NSFL1C: variants seen among roughly 807,000 people sequenced by gnomAD.
NSFL1C encodes the protein NSFL1 cofactor.
NSFL1C carries 14 observed loss-of-function variants against 43.1 expected under a neutral mutation model. The ratio of observed to expected loss-of-function variants is 0.32; its 90% CI spans 0.21 to 0.51. NSFL1C has a LOEUF of 0.51. Among genes scored for constraint, NSFL1C ranks in the 20% least tolerant of loss-of-function variants. The pLI, the probability that NSFL1C is intolerant of heterozygous loss-of-function variation, is 0.98. For synonymous variants in NSFL1C, 171 were observed against 183.5 expected, an observed-to-expected ratio of 0.93 and a Z score of 0.55; for missense variants, 406 against 472.5, an observed-to-expected ratio of 0.86 and a Z score of 1.30.
At chr20:1,463,088 G>T (rs2090447541) in intron 2 of NSFL1C, among the ~76,000 whole-genome samples, 1 of 152,138 alleles carries the variant, frequency 6.6e-6, no homozygotes, top group South Asian at 2.1e-4. Flanking sequence ...TGGCAGAGCT[G>T]GGATTTGAAC....
intron 7 of NSFL1C, chr20:1,446,088 G>A (rs1189575520): frequency 1.1e-5 from 6 of 549,322 alleles, no homozygotes; most frequent in Non-Finnish European, 2.0e-5. Context: ...AAGTTACTCG[G>A]CCTTTTTCCT....
chr20:1,452,204 T>C (rs1307312950), intron 7 of NSFL1C, among the ~76,000 whole-genome samples: 1 of 152,178 alleles, frequency 6.6e-6, no homozygotes, highest in Admixed American at 6.5e-5. Flanking sequence ...CACTTATTCC[T>C]TGCAACAATA....
At chr20:1,451,095 GA>G (rs958714357) in intron 7 of NSFL1C, among the ~76,000 whole-genome samples, 122 of 149,604 alleles carry the variant, frequency 8.2e-4, no homozygotes, top group East Asian at 2.9e-3. Flanking sequence ...AATAATCAAA[GA>G]AAAAAAAAAT....
intron 1 of NSFL1C, among the ~76,000 whole-genome samples, chr20:1,465,909 CAA>C (rs1028170169): frequency 3.3e-5 from 5 of 152,166 alleles, no homozygotes; most frequent in Admixed American, 6.6e-5. Context: ...GGTTAAATGA[CAA>C]AAGACATGTA....
In NSFL1C at chr20:1,466,137, C is replaced by T. The variant is rs144280190; in HGVS notation, c.105+583G>A. Among the ~76,000 whole-genome samples, 88 of 152,342 alleles carry T rather than the reference C, an allele frequency of 5.8e-4. 1 individual carries two copies. The East Asian group carries it at 0.016, about 28-fold the overall frequency. On this transcript the variant is annotated intron_variant, in intron 1 of 8. Transcript: ENST00000216879. ...CCTCGTGAAGCTTAAGTCTTCTTAGCAAGTATTTAGTGAATACTCAGTACG... is the reference window on the plus strand; with the variant it reads ...CCTCGTGAAGCTTAAGTCTTCTTAGTAAGTATTTAGTGAATACTCAGTACG...
chr20:1,461,215 T>C (rs1160283566), intron 2 of NSFL1C, among the ~76,000 whole-genome samples: 2 of 152,166 alleles, frequency 1.3e-5, no homozygotes, highest in African/African-American at 4.8e-5. Flanking sequence ...AAAAATTAAG[T>C]TAAATATCAG....
chr20:1,452,318 C>T (rs2090197353), intron 7 of NSFL1C, among the ~76,000 whole-genome samples, 175 bp downstream of exon 7: 1 of 152,174 alleles, frequency 6.6e-6, no homozygotes, highest in South Asian at 2.1e-4. Context: ...GAGATATAAA[C>T]TCAGGTCTGT....
chr20:1,458,966 G>A (rs889376395), intron 2 of NSFL1C, among the ~76,000 whole-genome samples: 2 of 152,154 alleles, frequency 1.3e-5, no homozygotes, highest in Non-Finnish European at 2.9e-5. Flanking sequence ...AAAAATGAGC[G>A]TGAGAAGGGT....
chr20:1,466,712 G>C lies in NSFL1C; in HGVS notation c.105+8C>G, dbSNP rs1352459621. ...GCCCACCCGACACAGCCCGCCGCGC[G>C]GCGCTACCTGCAAGTCCCAGCCGGC... On this transcript the variant is annotated splice_region_variant and intron_variant, in intron 1 of 8. Transcript: ENST00000216879. 5 of 1,542,514 alleles carry C rather than the reference G, an allele frequency of 3.2e-6. No individual in the cohort carries two copies. The African/African-American group carries it at 7.0e-5, about 22-fold the overall frequency.
intron 7 of NSFL1C, among the ~76,000 whole-genome samples, chr20:1,451,349 T>C (rs894383519): frequency 5.9e-5 from 9 of 152,144 alleles, no homozygotes; most frequent in South Asian, 2.1e-4. Flanking sequence ...GAGGGCATGG[T>C]TGTTGGAAGA....
chr20:1,444,720 G>A (rs752525592), intron 8 of NSFL1C, among the ~76,000 whole-genome samples: 1 of 152,246 alleles, frequency 6.6e-6, no homozygotes, highest in Non-Finnish European at 1.5e-5. Context: ...CAAAGCCTCT[G>A]CATGGGCTGT....
chr20:1,448,962 G>A (rs975385868), intron 7 of NSFL1C, among the ~76,000 whole-genome samples: 3 of 152,164 alleles, frequency 2.0e-5, no homozygotes, highest in African/African-American at 7.2e-5. Flanking sequence ...AAACTTCCCA[G>A]ATACTTGAGA....
chr20:1,449,658 T>C (rs2090143862), intron 7 of NSFL1C, among the ~76,000 whole-genome samples: 1 of 152,140 alleles, frequency 6.6e-6, no homozygotes, highest in African/African-American at 2.4e-5. Context: ...CGTCTATAAA[T>C]AGTGTTTTTT....
At chr20:1,450,250 T>C (rs543038313) in intron 7 of NSFL1C, among the ~76,000 whole-genome samples, 134 of 152,262 alleles carry the variant, frequency 8.8e-4, no homozygotes, top group Middle Eastern at 3.4e-3. Flanking sequence ...ATGAAAAACA[T>C]AGTAAAATTT....
In NSFL1C at chr20:1,445,735, G is replaced by A; in HGVS notation, c.881C>T (p.Pro294Leu). 6.2e-7 allele frequency: 1 copy of A among 1,614,102 alleles called. No homozygotes were observed. The highest frequency in any genetic ancestry group is 1.1e-5 in the South Asian group (1 of 91,070). ...AAGCCGAATTTGGATGTTTGTGGTAGGCTCTGATTCGTCGATTAAGATGGA... is the reference window on the plus strand; with the variant it reads ...AAGCCGAATTTGGATGTTTGTGGTAAGCTCTGATTCGTCGATTAAGATGGA... The part of the protein sequence containing the change: ...SSSILIDESE[P>L]TTNIQIRLAD... Residue 294 changes from proline to leucine, a missense_variant, in exon 8 of 9, where the codon CCT becomes CTT. Physicochemically the swap from Pro to Leu is moderately conservative, Grantham distance 98. Around this residue, in one of 3 missense-constraint regions of NSFL1C, gnomAD observed 196 missense variants for 228.0 expected, o/e 0.86. Transcript: ENST00000216879.
At chr20:1,444,797 A>C (rs975161546) in intron 8 of NSFL1C, among the ~76,000 whole-genome samples, 4 of 152,170 alleles carry the variant, frequency 2.6e-5, no homozygotes, top group East Asian at 1.9e-4. Context: ...CAAATAACTC[A>C]CATCACTGGG....
At chr20:1,460,853 A>T (rs1343745610) in intron 2 of NSFL1C, among the ~76,000 whole-genome samples, 1 of 152,194 alleles carries the variant, frequency 6.6e-6, no homozygotes, top group Non-Finnish European at 1.5e-5. Flanking sequence ...CCGGAAGTTT[A>T]AAGTACAACT....
chr20:1,463,038 G>A (rs959529027), intron 2 of NSFL1C, among the ~76,000 whole-genome samples: 2 of 152,126 alleles, frequency 1.3e-5, no homozygotes, highest in Non-Finnish European at 2.9e-5. Context: ...GAACTGAAAC[G>A]TTAAGTAACC....
intron 3 of NSFL1C, chr20:1,456,843 T>G (rs1018892783): frequency 6.6e-6 from 1 of 152,216 alleles, no homozygotes; most frequent in African/African-American, 2.4e-5. Context: ...AGTAAAACAT[T>G]GAAAAAAATC....
Sources: gnomAD v4.1 joint callset for allele counts (sites outside exome capture counted in the v4.1 genomes callset) on GRCh38, gnomAD v4.1.1 for gene constraint, gnomAD v4.1.1 regional missense constraint, MANE v1.5 for transcripts, NCBI Gene and HGNC (gene_info 2026-07-23, HGNC 2026-07-21) for gene names.